KIAA1217: variants seen among roughly 807,000 people sequenced by gnomAD.
KIAA1217 encodes KIAA1217.
In KIAA1217, 88 loss-of-function variants were observed where a neutral mutation model predicts 163.9. The ratio of observed to expected loss-of-function variants is 0.54; its 90% CI spans 0.45 to 0.64. KIAA1217 has a LOEUF of 0.64. Ranked by LOEUF, KIAA1217 falls within the 30% of genes least tolerant of loss-of-function variation. The probability of loss-of-function intolerance (pLI) is 0.00; values close to 1 mark genes in which losing one functional copy is unlikely to be tolerated. For synonymous variants in KIAA1217, 903 were observed against 923.1 expected (o/e 0.98, Z 0.39); for missense variants, 2,372 against 2,475.0 (o/e 0.96, Z 0.88).
At chr10:23,910,504 T>C (rs978041782) in intron 1 of KIAA1217, among the ~76,000 whole-genome samples, 2 of 152,144 alleles carry the variant, frequency 1.3e-5, no homozygotes, top group Non-Finnish European at 2.9e-5. Flanking sequence ...CAGCTGCCAC[T>C]GTTTGTCAGG....
intron 1 of KIAA1217, among the ~76,000 whole-genome samples, chr10:23,975,339 G>A (rs1845496360): frequency 6.6e-6 from 1 of 152,108 alleles, no homozygotes; most frequent in Non-Finnish European, 1.5e-5. Flanking sequence ...CTGGCGGGCA[G>A]GCAGGACACA....
chr10:24,533,391 A>G (rs2073424024), intron 16 of KIAA1217, among the ~76,000 whole-genome samples, 154 bp downstream of exon 16: 1 of 152,254 alleles, frequency 6.6e-6, no homozygotes, highest in Admixed American at 6.5e-5. Flanking sequence ...TGCTTTCCCA[A>G]GATGGCGCTG....
At chr10:24,294,991 T>A (rs1255234531) in intron 2 of KIAA1217, among the ~76,000 whole-genome samples, 1 of 152,178 alleles carries the variant, frequency 6.6e-6, no homozygotes, top group Non-Finnish European at 1.5e-5. Context: ...TCACTATATT[T>A]CAAAACCAGA....
intron 2 of KIAA1217, among the ~76,000 whole-genome samples, chr10:24,013,911 G>A (rs1040461378): frequency 2.6e-5 from 4 of 152,094 alleles, no homozygotes; most frequent in African/African-American, 9.7e-5. Context: ...GACGCCAAGA[G>A]CCAGCACCTT....
At chr10:24,166,506 G>A (rs950181489) in intron 2 of KIAA1217, among the ~76,000 whole-genome samples, 5 of 152,270 alleles carry the variant, frequency 3.3e-5, no homozygotes, top group African/African-American at 1.2e-4. Context: ...GGCAGGTCAA[G>A]GCGGGTGGAT....
chr10:24,111,918 C>T (rs749933538), intron 2 of KIAA1217, among the ~76,000 whole-genome samples: 5 of 152,140 alleles, frequency 3.3e-5, no homozygotes, highest in Non-Finnish European at 7.3e-5. Flanking sequence ...CAGGCACACA[C>T]CACCATACTC....
chr10:24,520,051 G>A, intron 10 of KIAA1217, 72 bp from the exon 11 acceptor site: 2 of 1,512,488 alleles, frequency 1.3e-6, no homozygotes, highest in East Asian at 4.6e-5. Context: ...GCTGAGACGG[G>A]CACTCGGCCC....
intron 2 of KIAA1217, among the ~76,000 whole-genome samples, chr10:24,278,112 G>T (rs1306673332): frequency 6.6e-6 from 1 of 152,200 alleles, no homozygotes; most frequent in Non-Finnish European, 1.5e-5. Flanking sequence ...AAGTAGCGAG[G>T]AGAGGCAGGG....
At chr10:24,249,115 C>A (rs1309907909) in intron 2 of KIAA1217, among the ~76,000 whole-genome samples, 2 of 152,208 alleles carry the variant, frequency 1.3e-5, no homozygotes, top group African/African-American at 4.8e-5. Flanking sequence ...TGTAATTAGA[C>A]TTTTCTTCCT....
At chr10:24,090,620 G>A (rs1039856439) in intron 2 of KIAA1217, among the ~76,000 whole-genome samples, 7 of 151,474 alleles carry the variant, frequency 4.6e-5, no homozygotes, top group South Asian at 2.1e-4. Flanking sequence ...TGAGCATTTC[G>A]AAGAGGAGAA....
chr10:24,370,713 G>C (rs957093736), intron 2 of KIAA1217, among the ~76,000 whole-genome samples: 1 of 152,146 alleles, frequency 6.6e-6, no homozygotes, highest in African/African-American at 2.4e-5. Flanking sequence ...CTCACGAGTA[G>C]CTGGGACTAC....
chr10:24,495,181 C>T lies in KIAA1217; in HGVS notation c.1819C>T (p.His607Tyr). The change falls in exon 8 of 21, where the codon CAC (histidine) becomes TAC (tyrosine). Residue 607 changes from histidine to tyrosine, a missense_variant. His to Tyr is a moderately conservative substitution (Grantham distance 83). Coordinates refer to ENST00000376454, the MANE Select transcript of KIAA1217 (RefSeq NM_019590.5). ...KMMKTTANRN[H>Y]TDSAGTPHVS... is the part of the protein sequence containing the mutation. Reference sequence around the variant, plus strand: ...GATGAAAACCACAGCCAACAGGAACCACACAGATAGTGCAGGTAAGTAAGT... The same window carrying T: ...GATGAAAACCACAGCCAACAGGAACTACACAGATAGTGCAGGTAAGTAAGT... 1 of 1,613,248 alleles carries T rather than the reference C, an allele frequency of 6.2e-7. No individual in the cohort carries two copies. The highest frequency in any genetic ancestry group is 2.2e-5 in the East Asian group (1 of 44,836).
intron 9 of KIAA1217, among the ~76,000 whole-genome samples, chr10:24,509,457 C>G (rs1302196318): frequency 6.6e-6 from 1 of 152,194 alleles, no homozygotes; most frequent in African/African-American, 2.4e-5. Flanking sequence ...CAGAGCCTCT[C>G]CCTCTCCTCC....
intron 1 of KIAA1217, among the ~76,000 whole-genome samples, chr10:23,743,409 C>A (rs1839226617): frequency 6.6e-6 from 1 of 152,162 alleles, no homozygotes; most frequent in African/African-American, 2.4e-5. Flanking sequence ...CAAAAAAATT[C>A]TCTGGCATTT....
At chr10:24,399,991 TG>T (rs1268284295) in intron 3 of KIAA1217, among the ~76,000 whole-genome samples, 1 of 152,214 alleles carries the variant, frequency 6.6e-6, no homozygotes, top group African/African-American at 2.4e-5. Context: ...ACCATGTCTT[TG>T]AACTAGGACT....
chr10:23,929,361 T>G (rs1051600363), intron 1 of KIAA1217, among the ~76,000 whole-genome samples: 2 of 152,132 alleles, frequency 1.3e-5, no homozygotes, highest in African/African-American at 4.8e-5. Flanking sequence ...ATGTGCAGGT[T>G]TGCTGCATGG....
chr10:23,888,289 C>CA (rs1319536283), intron 1 of KIAA1217, among the ~76,000 whole-genome samples: 7 of 151,872 alleles, frequency 4.6e-5, no homozygotes, highest in Admixed American at 2.6e-4. Context: ...CATTCAGTAA[C>CA]AATCAAAAAG....
intron 1 of KIAA1217, among the ~76,000 whole-genome samples, chr10:23,712,427 ATCTTGGCAAAC>A (rs1415080557): frequency 6.6e-6 from 1 of 151,846 alleles, no homozygotes; most frequent in Admixed American, 6.6e-5. Context: ...GTCAATGAAC[ATCTTGGCAAAC>A]TCTGAGTTAT....
At chr10:24,057,012 C>G (rs1056051044) in intron 2 of KIAA1217, among the ~76,000 whole-genome samples, 3 of 151,782 alleles carry the variant, frequency 2.0e-5, no homozygotes, top group Non-Finnish European at 4.4e-5. Flanking sequence ...TTTGGCTGGG[C>G]TTGGTGGCTC....
Sources: gnomAD v4.1 joint callset for allele counts (sites outside exome capture counted in the v4.1 genomes callset) on GRCh38, gnomAD v4.1.1 for gene constraint, MANE v1.5 for transcripts, NCBI Gene and HGNC (gene_info 2026-07-23, HGNC 2026-07-21) for gene names.